Variants in CSMD1 observed in about 807,000 individuals in gnomAD.
The protein encoded by CSMD1 is CUB and sushi domain-containing protein 1.
In CSMD1, 213 loss-of-function variants were observed where a neutral mutation model predicts 417.5. That is an observed-to-expected ratio of 0.51 (90% confidence interval 0.46 to 0.57). The LOEUF (loss-of-function observed/expected upper bound fraction) is 0.57, where lower values mean the gene tolerates loss of function less well. Ranked by LOEUF, CSMD1 falls within the 20% of genes least tolerant of loss-of-function variation. CSMD1 has a pLI of 0.00. For synonymous variants in CSMD1, 2,862 were observed against 1,736.8 expected (o/e 1.65, Z -16.11); for missense variants, 6,923 against 4,529.7 (o/e 1.53, Z -15.17).
intron 1 of CSMD1, among the ~76,000 whole-genome samples, chr8:4,782,670 G>C (rs1433760726): frequency 6.6e-6 from 1 of 152,060 alleles, no homozygotes; most frequent in Non-Finnish European, 1.5e-5. Flanking sequence ...GCTCTACTGT[G>C]ACTCATACTT....
intron 4 of CSMD1, among the ~76,000 whole-genome samples, chr8:4,003,519 A>G (rs1045180170): frequency 1.2e-4 from 18 of 152,236 alleles, no homozygotes; most frequent in Admixed American, 9.8e-4. Context: ...AGTGAATTCT[A>G]GAACAAACCA....
chr8:4,633,655 C>G (rs776272650), intron 2 of CSMD1, among the ~76,000 whole-genome samples: 1 of 152,110 alleles, frequency 6.6e-6, no homozygotes, highest in Non-Finnish European at 1.5e-5. Flanking sequence ...TTCCCAGGTT[C>G]AAGTGATTCT....
intron 3 of CSMD1, among the ~76,000 whole-genome samples, chr8:4,040,433 A>T (rs1797827433): frequency 6.6e-6 from 1 of 152,188 alleles, no homozygotes; most frequent in Non-Finnish European, 1.5e-5. Context: ...AACTGTTAAG[A>T]ACTGGTAGTA....
At chr8:4,130,276 C>T (rs779506774) in intron 3 of CSMD1, among the ~76,000 whole-genome samples, 1 of 152,106 alleles carries the variant, frequency 6.6e-6, no homozygotes, top group Non-Finnish European at 1.5e-5. Context: ...TTCATGCAAA[C>T]GATTAGTTTA....
chr8:4,213,634 C>T (rs190946614), intron 3 of CSMD1, among the ~76,000 whole-genome samples: 1 of 152,246 alleles, frequency 6.6e-6, no homozygotes, highest in African/African-American at 2.4e-5. Context: ...TTTTAAAATG[C>T]AGAGTAGGGT....
intron 3 of CSMD1, among the ~76,000 whole-genome samples, chr8:4,111,251 T>G (rs1261306406): frequency 6.6e-6 from 1 of 152,176 alleles, no homozygotes; most frequent in Non-Finnish European, 1.5e-5. Flanking sequence ...TCTATTATCA[T>G]CAGTCAGTTT....
chr8:4,381,141 A>T (rs753964229), intron 3 of CSMD1, among the ~76,000 whole-genome samples: 2 of 152,190 alleles, frequency 1.3e-5, no homozygotes, highest in African/African-American at 2.4e-5. Context: ...GTGACTTCAG[A>T]ACTAAAGAAG....
chr8:4,497,950 G>A (rs568643517), intron 2 of CSMD1, among the ~76,000 whole-genome samples: 76 of 152,256 alleles, frequency 5.0e-4, no homozygotes, highest in Non-Finnish European at 7.9e-4. Flanking sequence ...TGCCCGTGGG[G>A]TTTCCTAAAG....
At chr8:4,440,522 G>C (rs1028955086) in intron 2 of CSMD1, among the ~76,000 whole-genome samples, 4 of 151,964 alleles carry the variant, frequency 2.6e-5, no homozygotes, top group African/African-American at 7.3e-5. Context: ...TGGATATAAA[G>C]ACATGTACAG....
intron 1 of CSMD1, among the ~76,000 whole-genome samples, chr8:4,952,222 C>T (rs1358859339): frequency 6.6e-6 from 1 of 151,918 alleles, no homozygotes; most frequent in Non-Finnish European, 1.5e-5. Context: ...GCCATGTTTG[C>T]TCCGTGGAGT....
At chr8:3,151,003 T>G (rs1479261120) in intron 40 of CSMD1, among the ~76,000 whole-genome samples, 2 of 152,196 alleles carry the variant, frequency 1.3e-5, no homozygotes, top group African/African-American at 2.4e-5. Context: ...GTTTTATATT[T>G]AAAAGGAGTC....
intron 3 of CSMD1, among the ~76,000 whole-genome samples, chr8:4,154,994 G>T (rs1036340101): frequency 1.3e-5 from 2 of 152,108 alleles, no homozygotes; most frequent in Non-Finnish European, 2.9e-5. Flanking sequence ...CCAGAAACAC[G>T]ACTGCAAGTT....
intron 3 of CSMD1, among the ~76,000 whole-genome samples, chr8:4,125,513 C>T (rs1188227981): frequency 6.6e-6 from 1 of 152,208 alleles, no homozygotes; most frequent in Non-Finnish European, 1.5e-5. Context: ...TCGGCCGGAC[C>T]TCCTGAGACT....
intron 5 of CSMD1, among the ~76,000 whole-genome samples, chr8:3,754,245 G>A (rs920020522): frequency 1.2e-4 from 18 of 151,998 alleles, no homozygotes; most frequent in Non-Finnish European, 2.1e-4. Flanking sequence ...ATCCCTAGAT[G>A]GAATGAATGT....
At chr8:4,961,724 G>C (rs1042486774) in intron 1 of CSMD1, among the ~76,000 whole-genome samples, 31 of 152,068 alleles carry the variant, frequency 2.0e-4, no homozygotes, top group African/African-American at 6.7e-4. Context: ...TTATTTGGCT[G>C]ATATTTTTCT....
chr8:2,986,332 A>G (rs892627240), intron 54 of CSMD1, among the ~76,000 whole-genome samples: 1 of 152,068 alleles, frequency 6.6e-6, no homozygotes, highest in Non-Finnish European at 1.5e-5. Flanking sequence ...TTCTTCATCT[A>G]AGAAAACTGC....
intron 3 of CSMD1, among the ~76,000 whole-genome samples, chr8:4,293,256 G>A (rs1410088255): frequency 2.0e-5 from 3 of 152,132 alleles, no homozygotes; most frequent in Non-Finnish European, 2.9e-5. Context: ...GAGTCGTGGA[G>A]AGACACAACA....
intron 52 of CSMD1, among the ~76,000 whole-genome samples, chr8:3,012,051 T>C (rs77231187): frequency 0.021 from 3,124 of 152,280 alleles, 99 homozygotes; most frequent in African/African-American, 0.07. Context: ...GAGCAGGTCC[T>C]TGGCAATTTA....
At chr8:3,777,915 C>T (rs113412579) in intron 5 of CSMD1, among the ~76,000 whole-genome samples, 1 of 151,380 alleles carries the variant, frequency 6.6e-6, no homozygotes, top group Non-Finnish European at 1.5e-5. Flanking sequence ...CACTCCAGAC[C>T]CGCAGCCTCC....
Sources: gnomAD v4.1 joint callset for allele counts (sites outside exome capture counted in the v4.1 genomes callset) on GRCh38, gnomAD v4.1.1 for gene constraint, MANE v1.5 for transcripts, NCBI Gene and HGNC (gene_info 2026-07-23, HGNC 2026-07-21) for gene names.